The following LAMA2 variants were observed in gnomAD, a reference collection of about 807,000 sequenced individuals.
LAMA2 encodes the protein laminin subunit alpha 2, also known as laminin subunit alpha-2.
LAMA2 carries 269 observed loss-of-function variants against 364.8 expected under a neutral mutation model. The observed-to-expected ratio is 0.74, with a 90% confidence interval of 0.67 to 0.82. LAMA2 has a LOEUF of 0.82. Ranked by LOEUF, LAMA2 falls within the 40% of genes least tolerant of loss-of-function variation. The pLI is 0.00. For missense variants in LAMA2, 3,807 were observed against 3,873.2 expected, an observed-to-expected ratio of 0.98 and a Z score of 0.45; for synonymous variants, 1,379 against 1,370.6, an observed-to-expected ratio of 1.01 and a Z score of -0.14.
At chr6:128,985,301 C>T (rs945456856) in intron 1 of LAMA2, among the ~76,000 whole-genome samples, 1 of 152,120 alleles carries the variant, frequency 6.6e-6, no homozygotes, top group African/African-American at 2.4e-5. Flanking sequence ...CACTTCAAAC[C>T]ACCATGCAGT....
At chr6:129,247,271 G>A (rs929146439) in intron 12 of LAMA2, among the ~76,000 whole-genome samples, 52 of 151,974 alleles carry the variant, frequency 3.4e-4, no homozygotes, top group African/African-American at 1.1e-3. Flanking sequence ...CCAACATGGC[G>A]AAATCCCATC....
intron 18 of LAMA2, among the ~76,000 whole-genome samples, chr6:129,284,584 T>G (rs1316138270): frequency 6.6e-6 from 1 of 152,100 alleles, no homozygotes; most frequent in Non-Finnish European, 1.5e-5. Flanking sequence ...AAGCCAGCAT[T>G]ATATTGTTTC....
At chr6:129,258,879 G>A (rs563830492) in intron 14 of LAMA2, among the ~76,000 whole-genome samples, 2 of 152,080 alleles carry the variant, frequency 1.3e-5, no homozygotes, top group Non-Finnish European at 2.9e-5. Context: ...CTATAGGACA[G>A]TGATATTTGC....
rs760145957 is a variant in LAMA2 at position 129,194,826 on chromosome 6, G to A, written c.1782+1973G>A. ...CATCTTAACTGTCATGTCACATCACGTAAATTATAGTCATGATGACATGCT... is the reference window on the plus strand; with the variant it reads ...CATCTTAACTGTCATGTCACATCACATAAATTATAGTCATGATGACATGCT... On this transcript the variant is annotated intron_variant, in intron 12 of 64. Transcript: ENST00000421865. Among the ~76,000 whole-genome samples, 69 of 152,224 alleles carry A rather than the reference G, an allele frequency of 4.5e-4. 2 individuals are homozygous for A. The highest frequency in any genetic ancestry group is 3.9e-4 in the East Asian group (2 of 5,186).
At chr6:128,984,108 G>A (rs556789912) in intron 1 of LAMA2, among the ~76,000 whole-genome samples, 3 of 152,128 alleles carry the variant, frequency 2.0e-5, no homozygotes, top group East Asian at 1.9e-4. Context: ...CCTACCTTTC[G>A]CAGTGTGGCT....
intron 8 of LAMA2, among the ~76,000 whole-genome samples, chr6:129,164,233 T>C (rs904333509): frequency 6.6e-6 from 1 of 152,182 alleles, no homozygotes; most frequent in African/African-American, 2.4e-5. Context: ...CTATACAGCA[T>C]AGATATGCTG....
chr6:129,483,256 TA>T (rs566899755), intron 55 of LAMA2, among the ~76,000 whole-genome samples: 2 of 151,154 alleles, frequency 1.3e-5, no homozygotes, highest in African/African-American at 2.4e-5. Context: ...ATTCCTGATT[TA>T]AAAAAAAGAC....
intron 1 of LAMA2, among the ~76,000 whole-genome samples, chr6:128,932,711 T>C (rs992640248): frequency 2.6e-5 from 4 of 152,148 alleles, no homozygotes; most frequent in Non-Finnish European, 5.9e-5. Context: ...TAATTGACAA[T>C]TAAAAATTGT....
At chr6:129,138,469 T>C (rs1347418149) in intron 4 of LAMA2, among the ~76,000 whole-genome samples, 1 of 152,110 alleles carries the variant, frequency 6.6e-6, no homozygotes, top group Non-Finnish European at 1.5e-5. Flanking sequence ...ATGTGTTCAT[T>C]AAGGCCAGGA....
At position 129,190,002 on chromosome 6, in the gene LAMA2, T is replaced by C. The variant is rs905580304; in HGVS notation, c.1468-203T>C. Reference sequence around the variant, plus strand: ...CGAGAGTAGATTTGCATCCATCCAATAATCTTTCTCACCAGTGTAATTAGA... The same window carrying C: ...CGAGAGTAGATTTGCATCCATCCAACAATCTTTCTCACCAGTGTAATTAGA... On this transcript the variant is annotated intron_variant, in intron 10 of 64. Coordinates refer to ENST00000421865, the MANE Select transcript of LAMA2 (RefSeq NM_000426.4). 3.9e-5 allele frequency among the ~76,000 whole-genome samples: 6 copies of C among 152,188 alleles called. No individual in the cohort carries two copies. In the East Asian group the frequency reaches 1.2e-3, roughly 29 times the overall value.
Position 129,440,848 on chromosome 6 carries a change from AAAGCCAGAC to A in LAMA2, c.6125_6133del (p.Arg2042_Ala2044del). ...TGCTAAACTGCAAGCTGTTAAGGAC[AAAGCCAGAC>A]AAGCCAACGACACAGCTAAAGATGT... On this transcript the variant is annotated inframe_deletion, in exon 43 of 65. Transcript: ENST00000421865. 1 of 1,613,974 alleles carries A rather than the reference AAAGCCAGAC, an allele frequency of 6.2e-7. No homozygotes were observed. Among genetic ancestry groups the A allele is most frequent in the Non-Finnish European group, 8.5e-7 (1 of 1,179,906 alleles).
chr6:129,308,493 T>C (rs182786863), intron 22 of LAMA2, among the ~76,000 whole-genome samples: 4 of 152,338 alleles, frequency 2.6e-5, no homozygotes, highest in African/African-American at 9.6e-5. Context: ...AAAACGTAGT[T>C]ATATGTTTAG....
intron 30 of LAMA2, among the ~76,000 whole-genome samples, chr6:129,344,815 A>C (rs897683864): frequency 6.6e-6 from 1 of 152,208 alleles, no homozygotes; most frequent in Non-Finnish European, 1.5e-5. Context: ...GGGAGACCCA[A>C]TGAATATGGT....
rs1774573512 is a variant in LAMA2, at chr6:129,315,928, G to A, written c.3902G>A (p.Arg1301Lys). The change falls in exon 26 of 65, where the codon AGG becomes AAG. Residue 1301 changes from arginine to lysine, a missense_variant. Coordinates refer to ENST00000421865, the MANE Select transcript of LAMA2 (RefSeq NM_000426.4). ...MAAPLIGQLT[R>K]HEIEMTEKEW... ...GCTCCTCTGATTGGCCAATTGACAA[G>A]GCATGAAATTGAAATGACAGAGGTA... 3 of 1,614,038 alleles carry A rather than the reference G, an allele frequency of 1.9e-6. No homozygotes were observed. Among genetic ancestry groups the A allele is most frequent in the East Asian group, 2.2e-5 (1 of 44,870 alleles).
intron 12 of LAMA2, among the ~76,000 whole-genome samples, chr6:129,204,179 A>G (rs1782474340): frequency 6.6e-6 from 1 of 152,230 alleles, no homozygotes. Flanking sequence ...TGCAAAACAT[A>G]AATAAATCAG....
chr6:128,966,000 T>G (rs2114606554), intron 1 of LAMA2, among the ~76,000 whole-genome samples: 1 of 145,574 alleles, frequency 6.9e-6, no homozygotes, highest in Admixed American at 6.8e-5. Flanking sequence ...TTTTTTTTTT[T>G]GAACAATCTG....
intron 1 of LAMA2, among the ~76,000 whole-genome samples, chr6:128,957,621 C>T (rs2114584184): frequency 6.6e-6 from 1 of 152,008 alleles, no homozygotes; most frequent in East Asian, 1.9e-4. Context: ...AGGGGAGAAA[C>T]AGATGTAGAA....
chr6:129,093,547 A>T (rs910315727), intron 3 of LAMA2, among the ~76,000 whole-genome samples: 3 of 152,152 alleles, frequency 2.0e-5, no homozygotes, highest in Non-Finnish European at 2.9e-5. Flanking sequence ...ACTCTATGTG[A>T]TGATCATTGT....
chr6:129,382,507 T>C (rs1320955475), intron 34 of LAMA2, among the ~76,000 whole-genome samples: 2 of 152,242 alleles, frequency 1.3e-5, no homozygotes, highest in East Asian at 3.8e-4. Flanking sequence ...TGCATGATTC[T>C]GTGATTAACA....
Sources: allele counts gnomAD v4.1 joint callset (sites outside exome capture counted in the v4.1 genomes callset), GRCh38; gene constraint gnomAD v4.1.1; transcripts MANE v1.5; gene names NCBI Gene and HGNC (gene_info 2026-07-23, HGNC 2026-07-21).